PURG: variants seen among roughly 807,000 people sequenced by gnomAD.
PURG encodes the protein purine rich element binding protein G, also known as purine-rich element-binding protein gamma.
In PURG, 3 loss-of-function variants were observed where a neutral mutation model predicts 24.3. That is an observed-to-expected ratio of 0.12 (90% CI 0.06 to 0.32). PURG has a LOEUF of 0.32. Among genes scored for constraint, PURG ranks in the 10% least tolerant of loss-of-function variants. PURG has a pLI of 1.00. For synonymous variants in PURG, 180 were observed against 173.1 expected (o/e 1.04, Z -0.31); for missense variants, 371 against 439.1 (o/e 0.84, Z 1.39).
intron 1 of PURG, chr8:30,996,783 A>G: frequency 2.0e-6 from 2 of 1,024,056 alleles, no homozygotes; most frequent in Non-Finnish European, 1.4e-6. Context: ...CCCATAATTA[A>G]TCTCGTTGAA....
intron 1 of PURG, among the ~76,000 whole-genome samples, chr8:30,999,731 GT>G (rs1009850613): frequency 6.6e-6 from 1 of 151,744 alleles, no homozygotes; most frequent in Non-Finnish European, 1.5e-5. Context: ...TTTCATACTG[GT>G]ATAGCACAGA....
chr8:31,009,948 A>G (rs549848754), intron 1 of PURG, among the ~76,000 whole-genome samples: 192 of 152,132 alleles, frequency 1.3e-3, no homozygotes, highest in Admixed American at 1.8e-3. Context: ...AATAGGAAAA[A>G]TAGCTGGGCA....
In PURG at chr8:31,032,039, T is replaced by C. The variant is rs1316368586; in HGVS notation, c.744A>G (p.Ile248Met). The change falls in exon 2 of 2, where the codon ATA (isoleucine) becomes ATG (methionine). Residue 248 changes from isoleucine to methionine, a missense_variant. Physicochemically the swap from Ile to Met is conservative, Grantham distance 10 (BLOSUM62 1). Transcript: ENST00000523392. This position sits in a 1 kb window ranked among gnomAD's most constrained non-coding sequence, Gnocchi z 5.9. ...QLIEDYGEGD[I>M]EERRGGDDDP... ...CATCGTCTCCACCTCTTCGTTCTTC[T>C]ATGTCTCCTTCGCCATAGTCTTCAA... 2 of 1,614,190 alleles carry C rather than the reference T, an allele frequency of 1.2e-6. No individual in the cohort carries two copies. Among genetic ancestry groups the C allele is most frequent in the Non-Finnish European group, 1.7e-6 (2 of 1,180,038 alleles).
chr8:31,022,306 C>T (rs750500100), intron 1 of PURG, among the ~76,000 whole-genome samples: 2 of 152,148 alleles, frequency 1.3e-5, no homozygotes, highest in African/African-American at 2.4e-5. Flanking sequence ...CAATCATGCT[C>T]GTCAAAAATA....
intron 1 of PURG, among the ~76,000 whole-genome samples, chr8:31,013,983 C>A (rs190345377): frequency 8.5e-5 from 13 of 152,222 alleles, no homozygotes; most frequent in African/African-American, 2.9e-4. Context: ...AACTCCTTCA[C>A]TAAATCTTTT....
At chr8:31,008,988 C>T (rs1810711453) in intron 1 of PURG, among the ~76,000 whole-genome samples, 1 of 152,172 alleles carries the variant, frequency 6.6e-6, no homozygotes, top group Admixed American at 6.5e-5. Context: ...GTTTTCTTCT[C>T]CCGGCAAAAG....
intron 1 of PURG, among the ~76,000 whole-genome samples, chr8:31,006,467 G>C (rs1053931441): frequency 6.6e-6 from 1 of 152,100 alleles, no homozygotes; most frequent in Non-Finnish European, 1.5e-5. Flanking sequence ...GGTGGTGGGC[G>C]CCTGTGGTCC....
At chr8:31,017,710 T>A (rs1231104923) in intron 1 of PURG, among the ~76,000 whole-genome samples, 3 of 152,192 alleles carry the variant, frequency 2.0e-5, no homozygotes, top group Non-Finnish European at 2.9e-5. Flanking sequence ...AATTTAGATA[T>A]GATTGCATTT....
chr8:31,032,116 C>A lies in PURG; in HGVS notation c.667G>T (p.Val223Phe), dbSNP rs761609882. ...TCAATCATTCCTTGTGCTGGGAGGA[C>A]AATAGTCTGTTCTTGGCCCAAACTG... ...GHSLGQEQTI[V>F]LPAQGMIEFR... The change falls in exon 2 of 2, where the codon GTC becomes TTC. Residue 223 changes from valine (V) to phenylalanine (F), a missense_variant. By Grantham distance (50) the Val-to-Phe change is conservative. This residue lies in a region of PURG where 41 missense variants were observed against 29.8 expected (regional missense o/e 1.38). Transcript: ENST00000523392. This position sits in a 1 kb window ranked among gnomAD's most constrained non-coding sequence, Gnocchi z 5.9. 6 of 1,614,206 alleles carry A rather than the reference C, an allele frequency of 3.7e-6. No homozygotes were observed. Among genetic ancestry groups the A allele is most frequent in the Non-Finnish European group, 4.2e-6 (5 of 1,180,028 alleles).
At chr8:31,016,564 G>A (rs1810868833) in intron 1 of PURG, among the ~76,000 whole-genome samples, 2 of 47,408 alleles carry the variant, frequency 4.2e-5, no homozygotes, top group Admixed American at 5.7e-4. Context: ...AAGAAAGAAT[G>A]CAAGTCTACC....
exon 2 of PURG, chr8:30,996,623 G>C: frequency 6.2e-7 from 1 of 1,611,474 alleles, no homozygotes; most frequent in East Asian, 2.2e-5. Flanking sequence ...TAGTATCATG[G>C]GGCTGTTCCT....
chr8:30,999,614 C>A (rs1457204427), intron 1 of PURG, among the ~76,000 whole-genome samples: 1 of 151,906 alleles, frequency 6.6e-6, no homozygotes, highest in Non-Finnish European at 1.5e-5. Flanking sequence ...TGGCATTAAC[C>A]TTTATAATTG....
At position 31,031,823 on chromosome 8, in the gene PURG, C is replaced by T. The variant is rs1563311784; in HGVS notation, c.960G>A (p.Glu320=). 1.3e-6 allele frequency: 2 copies of T among 1,571,562 alleles called. No homozygotes were observed. The highest frequency in any genetic ancestry group is 8.6e-7 in the Non-Finnish European group (1 of 1,157,198). ...FGENFIKYEE[E]MRKICNSHKE... ...TATGGCTGTTGCAAATTTTCCTCAT[C>T]TCTTCTTCATACTTGATAAAATTCT... The change falls in exon 2 of 2, where the codon GAG becomes GAA. Residue 320 remains glutamate, a synonymous_variant. Coordinates refer to ENST00000523392, the MANE Select transcript of PURG (RefSeq NM_001323311.2).
At chr8:31,012,963 G>T (rs1810791699) in intron 1 of PURG, among the ~76,000 whole-genome samples, 1 of 152,146 alleles carries the variant, frequency 6.6e-6, no homozygotes, top group Non-Finnish European at 1.5e-5. Context: ...GTTATTTTGT[G>T]ACAAATTTAA....
intron 1 of PURG, among the ~76,000 whole-genome samples, chr8:31,004,295 T>C (rs1272531150): frequency 1.3e-5 from 2 of 152,368 alleles, no homozygotes; most frequent in Middle Eastern, 6.8e-3. Flanking sequence ...TCATCAGGTC[T>C]ATATTACATA....
At position 31,009,142 on chromosome 8, in the gene PURG, C is replaced by A. The variant is rs189437376; in HGVS notation, c.865-12445G>T. 2.6e-5 allele frequency among the ~76,000 whole-genome samples: 4 copies of A among 152,192 alleles called. No individual in the cohort carries two copies. The South Asian group carries it at 8.3e-4, about 32-fold the overall frequency. On this transcript the variant is annotated intron_variant, in intron 1 of 1. Coordinates refer to the PURG transcript ENST00000339382. ...CCATAAATACAGAAACAGAATAATTCGGACAGGTGCAGTGGCTCACACTTG... is the reference window on the plus strand; with the variant it reads ...CCATAAATACAGAAACAGAATAATTAGGACAGGTGCAGTGGCTCACACTTG...
At chr8:31,017,309 C>T (rs1810892693) in intron 1 of PURG, among the ~76,000 whole-genome samples, 1 of 151,788 alleles carries the variant, frequency 6.6e-6, no homozygotes, top group Non-Finnish European at 1.5e-5. Context: ...GGATTGGGAT[C>T]TCTTTTAAAA....
chr8:31,026,281 T>C (rs1054098487), downstream of PURG, among the ~76,000 whole-genome samples: 1 of 151,680 alleles, frequency 6.6e-6, no homozygotes. Context: ...TTATTTAATA[T>C]CCTGGCACTC....
rs763958821 is a variant in PURG at position 31,032,472 on chromosome 8, T to A, written c.311A>T (p.Lys104Ile). The A allele has an allele frequency of 1.9e-6, 3 of 1,614,196 alleles. No homozygotes were observed. Among genetic ancestry groups the A allele is most frequent in the Non-Finnish European group, 1.7e-6 (2 of 1,180,036 alleles). ...RGRQDNIRKS[K>I]LTLSLSVAAE... ...TGCCACAGACAGGGAGAGGGTCAGT[T>A]TACTCTTTCTGATGTTGTCCTGCCG... Residue 104 changes from lysine (K) to isoleucine (I), a missense_variant, in exon 2 of 2, where the codon AAA becomes ATA. Lys to Ile is a moderately radical substitution (Grantham distance 102). Transcript: ENST00000523392. This position sits in a 1 kb window ranked among gnomAD's most constrained non-coding sequence, Gnocchi z 5.9.
Sources: gnomAD v4.1 joint callset for allele counts (sites outside exome capture counted in the v4.1 genomes callset) on GRCh38, gnomAD v4.1.1 for gene constraint, gnomAD v4.1.1 regional missense constraint, Gnocchi (gnomAD v3.1) non-coding constraint, MANE v1.5 for transcripts, NCBI Gene and HGNC (gene_info 2026-07-23, HGNC 2026-07-21) for gene names.